The following ADAM10 variants were observed in gnomAD, a reference collection of about 807,000 sequenced individuals.
ADAM10 encodes disintegrin and metalloproteinase domain-containing protein 10.
A neutral mutation model predicts 90.1 loss-of-function variants in ADAM10; 17 were observed. The ratio of observed to expected loss-of-function variants is 0.19; its 90% CI spans 0.13 to 0.28. The LOEUF is 0.28. Among genes scored for constraint, ADAM10 ranks in the 10% least tolerant of loss-of-function variants. The pLI, the probability that ADAM10 is intolerant of heterozygous loss-of-function variation, is 1.00. For missense variants in ADAM10, 610 were observed against 914.3 expected, an observed-to-expected ratio of 0.67 and a Z score of 4.29; for synonymous variants, 310 against 298.6, an observed-to-expected ratio of 1.04 and a Z score of -0.40.
chr15:58,657,043 T>A (rs555830481), intron 5 of ADAM10, among the ~76,000 whole-genome samples: 52 of 152,368 alleles, frequency 3.4e-4, no homozygotes, highest in African/African-American at 1.2e-3. Flanking sequence ...AAAATTTCTA[T>A]TGAAAAGTCT....
chr15:58,706,389 G>A (rs1235968466), intron 2 of ADAM10, among the ~76,000 whole-genome samples: 1 of 152,092 alleles, frequency 6.6e-6, no homozygotes, highest in Non-Finnish European at 1.5e-5. Context: ...CTTAACTAAG[G>A]CATTTCTGAT....
chr15:58,605,029 T>C (rs1896257), intron 14 of ADAM10, among the ~76,000 whole-genome samples: 150,593 of 152,322 alleles, frequency 0.99, 74,458 homozygotes, highest in Middle Eastern at 1. Context: ...TATAAGCTAC[T>C]GTACCTGGCC....
intron 13 of ADAM10, 144 bp downstream of exon 13, chr15:58,610,855 C>T (rs541781829): frequency 7.0e-5 from 50 of 710,662 alleles, no homozygotes; most frequent in African/African-American, 6.4e-4. Context: ...CACAATGCTA[C>T]GTTACATTTA....
intron 2 of ADAM10, among the ~76,000 whole-genome samples, chr15:58,693,302 T>C (rs186437474): frequency 2.5e-4 from 38 of 152,352 alleles, no homozygotes; most frequent in Non-Finnish European, 1.0e-4. Context: ...GCTAATTCTT[T>C]ATACTAAAAT....
At chr15:58,710,195 C>T (rs374821470) in intron 2 of ADAM10, among the ~76,000 whole-genome samples, 18 of 152,162 alleles carry the variant, frequency 1.2e-4, no homozygotes, top group African/African-American at 4.3e-4. Context: ...TGGAGAATCA[C>T]TTAAACCCAG....
intron 14 of ADAM10, 139 bp downstream of exon 14, chr15:58,610,156 TTA>T (rs1382029349): frequency 1.3e-6 from 1 of 757,068 alleles, no homozygotes; most frequent in African/African-American, 1.7e-5. Flanking sequence ...ACCAGAAATA[TTA>T]GAACTTTAAA....
chr15:58,631,642 G>A (rs532908252), intron 9 of ADAM10, among the ~76,000 whole-genome samples: 13 of 152,120 alleles, frequency 8.5e-5, no homozygotes, highest in Non-Finnish European at 1.8e-4. Context: ...AAAAATGAGT[G>A]ACCTGGGACT....
chr15:58,645,594 CTGG>C (rs1485566052), intron 6 of ADAM10, among the ~76,000 whole-genome samples: 11 of 152,160 alleles, frequency 7.2e-5, no homozygotes, highest in Non-Finnish European at 1.3e-4. Context: ...CAAATTCTCA[CTGG>C]GTACCTTCCA....
chr15:58,615,170 A>T (rs955358097), intron 11 of ADAM10, among the ~76,000 whole-genome samples: 5 of 148,250 alleles, frequency 3.4e-5, no homozygotes, highest in Non-Finnish European at 3.0e-5. Context: ...GCTACTAGGG[A>T]GCCTGAGGCA....
rs199526281 is a variant in ADAM10 at position 58,679,246 on chromosome 15, T to C, written c.362A>G (p.Asp121Gly). 2.2e-5 allele frequency: 36 copies of C among 1,613,944 alleles called. No homozygotes were observed. Among genetic ancestry groups the C allele is most frequent in the Non-Finnish European group, 2.8e-5 (33 of 1,180,006 alleles). ...CTGGATGAATCCTTCAAATCTTCCA[T>C]CAATAACAGACCCATGGCTAAAACT... is the stretch of plus-strand genomic sequence containing the variant. ...EGSFSHGSVI[D>G]GRFEGFIQTR... Residue 121 changes from aspartate (D) to glycine (G), a missense_variant, in exon 4 of 16, where the codon GAT becomes GGT. By Grantham distance (94) the Asp-to-Gly change is moderately conservative. This residue lies in a region of ADAM10 where 310 missense variants were observed against 362.4 expected (regional missense o/e 0.86). Coordinates refer to ENST00000260408, the MANE Select transcript of ADAM10 (RefSeq NM_001110.4).
chr15:58,665,916 A>G (rs1324431226), intron 4 of ADAM10, among the ~76,000 whole-genome samples: 1 of 151,942 alleles, frequency 6.6e-6, no homozygotes, highest in African/African-American at 2.4e-5. Flanking sequence ...ATTCATGACG[A>G]TGATCCTTCC....
intron 2 of ADAM10, chr15:58,691,139 A>C (rs547355820): frequency 1.8e-4 from 125 of 692,964 alleles, no homozygotes; most frequent in African/African-American, 1.5e-3. Context: ...GGCAGGGTGA[A>C]GACACAAGCC....
At chr15:58,687,932 G>A (rs995409521) in intron 2 of ADAM10, among the ~76,000 whole-genome samples, 11 of 152,200 alleles carry the variant, frequency 7.2e-5, no homozygotes, top group Admixed American at 7.2e-4. Flanking sequence ...TAAAGGGATA[G>A]CACAAGGGAG....
At chr15:58,602,078 G>T (rs1895126524) in intron 14 of ADAM10, among the ~76,000 whole-genome samples, 1 of 152,180 alleles carries the variant, frequency 6.6e-6, no homozygotes, top group African/African-American at 2.4e-5. Flanking sequence ...TTGGAAGTAT[G>T]TAAATATCCT....
chr15:58,655,696 G>GTATATATATATATAGTATATATATATATA (rs1240975104), intron 5 of ADAM10, among the ~76,000 whole-genome samples: 3 of 68,260 alleles, frequency 4.4e-5, no homozygotes, highest in African/African-American at 7.9e-5. Flanking sequence ...ATTATATATA[G>GTATATATATATATAGTATATATATATATA]TATATATATA....
intron 11 of ADAM10, among the ~76,000 whole-genome samples, chr15:58,616,959 A>G (rs944373741): frequency 6.6e-6 from 1 of 152,054 alleles, no homozygotes; most frequent in Non-Finnish European, 1.5e-5. Flanking sequence ...ACACAAAAAA[A>G]TTAGCCAGGC....
At chr15:58,641,416 A>G (rs1042008866) in intron 7 of ADAM10, among the ~76,000 whole-genome samples, 1 of 152,194 alleles carries the variant, frequency 6.6e-6, no homozygotes, top group Non-Finnish European at 1.5e-5. Flanking sequence ...TAGGTATCAA[A>G]CCCAAGACTG....
At position 58,647,838 on chromosome 15, in the gene ADAM10, C is replaced by G. The variant is rs1280477721; in HGVS notation, c.586-1634G>C. ...GAAGTACTGGGATTACAGGCAGGAGCCACTGTGCCTGGCCTCAATTAAGTA... is the reference window on the plus strand; with the variant it reads ...GAAGTACTGGGATTACAGGCAGGAGGCACTGTGCCTGGCCTCAATTAAGTA... On this transcript the variant is annotated intron_variant, in intron 5 of 15. Coordinates refer to ENST00000260408, the MANE Select transcript of ADAM10 (RefSeq NM_001110.4). Among the ~76,000 whole-genome samples, 4 of 152,152 alleles carry G rather than the reference C, an allele frequency of 2.6e-5. No homozygotes were observed. In the South Asian group the frequency reaches 8.3e-4, roughly 32 times the overall value.
intron 2 of ADAM10, among the ~76,000 whole-genome samples, chr15:58,701,612 T>C (rs1898137414): frequency 6.6e-6 from 1 of 152,158 alleles, no homozygotes; most frequent in Non-Finnish European, 1.5e-5. Context: ...AATTACCACA[T>C]GATCCGGCAA....
Sources: allele counts gnomAD v4.1 joint callset (sites outside exome capture counted in the v4.1 genomes callset), GRCh38; gene constraint gnomAD v4.1.1; regional missense constraint gnomAD v4.1.1; transcripts MANE v1.5; gene names NCBI Gene and HGNC (gene_info 2026-07-23, HGNC 2026-07-21).